MARCHF1: variants seen among roughly 807,000 people sequenced by gnomAD.
The protein encoded by MARCHF1 is membrane associated ring-CH-type finger 1, also known as E3 ubiquitin-protein ligase MARCHF1.
In MARCHF1, 40 loss-of-function variants were observed where a neutral mutation model predicts 54.2. The ratio of observed to expected loss-of-function variants is 0.74; its 90% CI spans 0.57 to 0.96. MARCHF1 has a LOEUF of 0.96. Among genes scored for constraint, MARCHF1 ranks in the 40% least tolerant of loss-of-function variants. The pLI, the probability that MARCHF1 is intolerant of heterozygous loss-of-function variation, is 0.00. For synonymous variants in MARCHF1, 236 were observed against 236.3 expected, an observed-to-expected ratio of 1.00 and a Z score of 0.01; for missense variants, 586 against 656.5, an observed-to-expected ratio of 0.89 and a Z score of 1.17.
At chr4:163,881,524 T>G (rs1343439807) in intron 3 of MARCHF1, among the ~76,000 whole-genome samples, 1 of 152,232 alleles carries the variant, frequency 6.6e-6, no homozygotes. Context: ...CCACTCCGCA[T>G]GAGGCTGTTT....
chr4:164,189,935 A>T, intron 1 of MARCHF1: 2 of 1,562,304 alleles, frequency 1.3e-6, no homozygotes, highest in Non-Finnish European at 1.8e-6. Context: ...CAGGGAACAA[A>T]AATAAGATCA....
intron 2 of MARCHF1, among the ~76,000 whole-genome samples, chr4:164,108,337 A>G (rs1755753220): frequency 6.6e-6 from 1 of 152,090 alleles, no homozygotes; most frequent in South Asian, 2.1e-4. Context: ...ACGATTTTTT[A>G]CTAAGTTTTA....
chr4:164,262,245 T>C (rs76648421), intron 1 of MARCHF1, among the ~76,000 whole-genome samples: 1 of 152,166 alleles, frequency 6.6e-6, no homozygotes, highest in Non-Finnish European at 1.5e-5. Flanking sequence ...TGCATGACTA[T>C]GTGCAGACTT....
chr4:163,939,032 C>T (rs1190783470), intron 3 of MARCHF1, among the ~76,000 whole-genome samples: 1 of 152,134 alleles, frequency 6.6e-6, no homozygotes, highest in Non-Finnish European at 1.5e-5. Context: ...TGCAGATGAC[C>T]TGGTGCAATC....
intron 3 of MARCHF1, among the ~76,000 whole-genome samples, chr4:163,936,988 A>T (rs917403512): frequency 4.6e-5 from 7 of 152,192 alleles, no homozygotes; most frequent in Admixed American, 3.3e-4. Flanking sequence ...ATAACAAGTT[A>T]AATGTATAGC....
intron 5 of MARCHF1, among the ~76,000 whole-genome samples, chr4:163,633,004 C>T (rs1258115019): frequency 2.0e-5 from 3 of 152,128 alleles, no homozygotes; most frequent in African/African-American, 7.2e-5. Context: ...CCTCACACTG[C>T]AGGGTACTCC....
At chr4:163,862,801 C>A (rs1461985418) in intron 3 of MARCHF1, among the ~76,000 whole-genome samples, 2 of 151,998 alleles carry the variant, frequency 1.3e-5, no homozygotes, top group Non-Finnish European at 1.5e-5. Context: ...TCACCAAAAA[C>A]TGGAAGCAAC....
chr4:164,185,100 AT>A (rs1428617636), intron 1 of MARCHF1, among the ~76,000 whole-genome samples: 4 of 152,198 alleles, frequency 2.6e-5, no homozygotes, highest in African/African-American at 7.2e-5. Flanking sequence ...AGACAAACTC[AT>A]TTTATTTTCC....
Position 163,986,508 on chromosome 4 carries a change from G to A in MARCHF1, c.-39+1993C>T, listed in dbSNP as rs554873097. 9.9e-5 allele frequency among the ~76,000 whole-genome samples: 15 copies of A among 151,600 alleles called. No individual in the cohort carries two copies. The South Asian group carries it at 1.5e-3, about 15-fold the overall frequency. Reference sequence around the variant, plus strand: ...TCTCGATCTCCTGACCTTGTGATCCGCCCGCCTCGGCCTCCCAAAGTGCTG... The same window carrying A: ...TCTCGATCTCCTGACCTTGTGATCCACCCGCCTCGGCCTCCCAAAGTGCTG... On this transcript the variant is annotated intron_variant, in intron 3 of 9. Transcript: ENST00000514618.
intron 4 of MARCHF1, among the ~76,000 whole-genome samples, chr4:163,702,877 C>T (rs563664609): frequency 6.6e-6 from 1 of 152,104 alleles, no homozygotes; most frequent in African/African-American, 2.4e-5. Flanking sequence ...GTTTCTACAC[C>T]AGTACATGGA....
At chr4:164,168,810 G>T (rs1239592112) in intron 1 of MARCHF1, among the ~76,000 whole-genome samples, 1 of 151,944 alleles carries the variant, frequency 6.6e-6, no homozygotes, top group Non-Finnish European at 1.5e-5. Flanking sequence ...ACTACTGATA[G>T]CCTACTGTTA....
intron 8 of MARCHF1, among the ~76,000 whole-genome samples, chr4:163,547,964 ATAT>A (rs1427303690): frequency 6.6e-6 from 1 of 152,196 alleles, no homozygotes; most frequent in Non-Finnish European, 1.5e-5. Context: ...CAAAGGGTAA[ATAT>A]TAATAATGTG....
intron 5 of MARCHF1, among the ~76,000 whole-genome samples, chr4:163,634,552 C>T (rs930637072): frequency 5.7e-4 from 86 of 151,838 alleles, no homozygotes; most frequent in African/African-American, 2.0e-3. Flanking sequence ...GCTAACTATC[C>T]TAAATATATA....
chr4:164,109,120 A>G (rs1201604880), intron 2 of MARCHF1, among the ~76,000 whole-genome samples: 2 of 152,076 alleles, frequency 1.3e-5, no homozygotes, highest in African/African-American at 2.4e-5. Context: ...TCTCCTCTGT[A>G]TGGTTCCAGA....
chr4:163,537,393 C>T (rs989082345), intron 9 of MARCHF1, among the ~76,000 whole-genome samples: 4 of 152,142 alleles, frequency 2.6e-5, no homozygotes, highest in Admixed American at 6.5e-5. Context: ...CCCTGGGGAT[C>T]CTATGTACAA....
chr4:163,727,134 C>T (rs1259351292), intron 4 of MARCHF1, among the ~76,000 whole-genome samples: 1 of 152,102 alleles, frequency 6.6e-6, no homozygotes, highest in Non-Finnish European at 1.5e-5. Context: ...TCTAGAAAGT[C>T]ATCACCAAAC....
intron 5 of MARCHF1, among the ~76,000 whole-genome samples, chr4:163,682,776 G>A (rs1480614285): frequency 1.3e-5 from 2 of 152,120 alleles, no homozygotes; most frequent in Non-Finnish European, 2.9e-5. Context: ...CTGCTGCCAT[G>A]TGAAGAAGGA....
intron 1 of MARCHF1, among the ~76,000 whole-genome samples, chr4:164,136,472 C>T (rs1027326407): frequency 6.6e-6 from 1 of 152,112 alleles, no homozygotes; most frequent in African/African-American, 2.4e-5. Context: ...TAACACTGCT[C>T]AAGAGCCACC....
At chr4:163,701,613 C>T (rs1323744196) in intron 4 of MARCHF1, among the ~76,000 whole-genome samples, 1 of 152,136 alleles carries the variant, frequency 6.6e-6, no homozygotes, top group African/African-American at 2.4e-5. Flanking sequence ...TATATAGCTA[C>T]TTTTTCTACT....
Sources: gnomAD v4.1 joint callset for allele counts (sites outside exome capture counted in the v4.1 genomes callset) on GRCh38, gnomAD v4.1.1 for gene constraint, MANE v1.5 for transcripts, NCBI Gene and HGNC (gene_info 2026-07-23, HGNC 2026-07-21) for gene names.